Variants in SELENOI observed in about 807,000 individuals in gnomAD.
SELENOI encodes the protein selenoprotein I.
Under a neutral mutation model 50.7 loss-of-function variants are expected in SELENOI, and 24 were observed. The ratio of observed to expected loss-of-function variants is 0.47; its 90% CI spans 0.34 to 0.67. The LOEUF (loss-of-function observed/expected upper bound fraction) is 0.67, where lower values mean the gene tolerates loss of function less well. SELENOI is among the 30% of genes least tolerant of loss of function. The pLI is 0.01. For synonymous variants in SELENOI, 155 were observed against 170.2 expected (o/e 0.91, Z 0.70); for missense variants, 352 against 461.4 (o/e 0.76, Z 2.17).
chr2:26,378,226 C>T (rs1291850178), intron 6 of SELENOI, among the ~76,000 whole-genome samples: 1 of 152,156 alleles, frequency 6.6e-6, no homozygotes, highest in Admixed American at 6.5e-5. Context: ...GCTCTTCCAG[C>T]AATTGTGTTC....
intron 1 of SELENOI, chr2:26,346,617 G>T (rs1031591002): frequency 6.2e-5 from 13 of 208,100 alleles, no homozygotes; most frequent in Admixed American, 1.8e-4. Flanking sequence ...TCCTTCTGTT[G>T]TGTCAATCGC....
In SELENOI at chr2:26,393,533, A is replaced by T. The variant is rs1367231; in HGVS notation, c.*4430A>T. ...GTTGCATGTGCTTAGAAAGGCCAGG[A>T]TCCCAGAATTGGAAGGTGCCACATA... is the stretch of plus-strand genomic sequence containing the variant. On this transcript the variant is annotated 3_prime_UTR_variant, in exon 10 of 10. Transcript: ENST00000260585. The T allele has an allele frequency of 0.95, 144,942 of 152,294 alleles. 69,036 individuals are homozygous for T. Among genetic ancestry groups the T allele is most frequent in the South Asian group, 0.98 (4,730 of 4,828 alleles). 9.4% of individuals were successfully genotyped at this position (152,294 alleles called of 1,614,324 possible). A position where few individuals can be genotyped will look rare whatever the true frequency, so the allele number is the denominator to read the frequency against.
intron 1 of SELENOI, among the ~76,000 whole-genome samples, chr2:26,347,309 A>C (rs947498610): frequency 2.0e-5 from 3 of 152,074 alleles, no homozygotes; most frequent in African/African-American, 7.3e-5. Context: ...TGCCCAACTC[A>C]TTAGAGTTTT....
At chr2:26,366,316 T>C (rs1253583038) in intron 3 of SELENOI, among the ~76,000 whole-genome samples, 1 of 152,090 alleles carries the variant, frequency 6.6e-6, no homozygotes, top group African/African-American at 2.4e-5. Flanking sequence ...TTTTTAAAAA[T>C]TTATTTATTT....
Position 26,373,453 on chromosome 2 carries a change from T to C in SELENOI, c.397T>C (p.Cys133Arg), listed in dbSNP as rs1677501607. The C allele has an allele frequency of 6.2e-7, 1 of 1,613,834 alleles. No homozygotes were observed. Among genetic ancestry groups the C allele is most frequent in the Non-Finnish European group, 8.5e-7 (1 of 1,179,864 alleles). ...TGATCATGGCCTGGATAGTTGGTCA[T>C]GTGTTTACTTTGTTGTGACTGTTTA... is the stretch of plus-strand genomic sequence containing the variant. ...LFDHGLDSWS[C>R]VYFVVTVYSI... The change falls in exon 5 of 10, where the codon TGT becomes CGT. Residue 133 changes from cysteine to arginine, a missense_variant. Physicochemically the swap from Cys to Arg is radical, Grantham distance 180 (BLOSUM62 -3). Transcript: ENST00000260585.
In SELENOI at chr2:26,373,566, C is replaced by T. The variant is rs746301844; in HGVS notation, c.510C>T (p.Ser170=). 6 of 1,613,636 alleles carry T rather than the reference C, an allele frequency of 3.7e-6. No individual in the cohort carries two copies. In the Admixed American group the frequency reaches 1.0e-4, roughly 27 times the overall value. ...TAGTTTTGTTTTCTTTCATCCTGTCCCACTGGGAAAAGTATAACACAGGGA... is the reference window on the plus strand; with the variant it reads ...TAGTTTTGTTTTCTTTCATCCTGTCTCACTGGGAAAAGTATAACACAGGGA... The part of the protein sequence containing the change: ...LWVVLFSFIL[S]HWEKYNTGIL... The change falls in exon 5 of 10, where the codon TCC becomes TCT. Residue 170 remains serine (S), a synonymous_variant. Coordinates refer to ENST00000260585, the MANE Select transcript of SELENOI (RefSeq NM_033505.4).
At chr2:26,384,806 A>G (rs548877087) in intron 7 of SELENOI, among the ~76,000 whole-genome samples, 153 bp from the exon 8 acceptor site, 2 of 152,362 alleles carry the variant, frequency 1.3e-5, no homozygotes, top group South Asian at 4.1e-4. Context: ...GCCTGTCTGT[A>G]AAATGGGATT....
intron 1 of SELENOI, among the ~76,000 whole-genome samples, chr2:26,361,474 A>G (rs1426210348): frequency 1.3e-5 from 2 of 152,198 alleles, no homozygotes; most frequent in African/African-American, 4.8e-5. Flanking sequence ...CTCTCTCTCA[A>G]AACGTCTGTG....
intron 1 of SELENOI, among the ~76,000 whole-genome samples, chr2:26,357,434 G>A (rs925485293): frequency 3.3e-5 from 5 of 152,154 alleles, no homozygotes; most frequent in African/African-American, 1.2e-4. Flanking sequence ...AGCCTCCTAA[G>A]GCTGCCATAA....
At chr2:26,369,387 G>C (rs2147952474) in intron 4 of SELENOI, among the ~76,000 whole-genome samples, 1 of 152,212 alleles carries the variant, frequency 6.6e-6, no homozygotes, top group Middle Eastern at 3.4e-3. Flanking sequence ...ATTGTACTCT[G>C]CATCTTGTCT....
intron 9 of SELENOI, among the ~76,000 whole-genome samples, chr2:26,387,687 C>A (rs1238332739): frequency 1.1e-5 from 1 of 91,678 alleles, no homozygotes; most frequent in African/African-American, 4.3e-5. Context: ...CAAAGTGAGA[C>A]CCTGTCTCAA....
At chr2:26,368,226 A>G (rs1240972075) in intron 4 of SELENOI, among the ~76,000 whole-genome samples, 1 of 152,244 alleles carries the variant, frequency 6.6e-6, no homozygotes, top group African/African-American at 2.4e-5. Flanking sequence ...AGTGACGTCT[A>G]GAAGAATTAA....
chr2:26,377,521 A>C (rs1185282106), intron 6 of SELENOI, among the ~76,000 whole-genome samples: 1 of 151,922 alleles, frequency 6.6e-6, no homozygotes, highest in Non-Finnish European at 1.5e-5. Flanking sequence ...AGTCCCAGTT[A>C]CTTGGGAGGC....
chr2:26,376,717 G>T (rs1677574887), intron 6 of SELENOI, among the ~76,000 whole-genome samples: 1 of 152,224 alleles, frequency 6.6e-6, no homozygotes, highest in African/African-American at 2.4e-5. Context: ...TTTCCCAGAA[G>T]TTTGAAGGAC....
At chr2:26,387,278 T>G (rs988178716) in intron 9 of SELENOI, among the ~76,000 whole-genome samples, 1 of 152,210 alleles carries the variant, frequency 6.6e-6, no homozygotes, top group Non-Finnish European at 1.5e-5. Context: ...TCTTTTCTAA[T>G]TATTTTACAT....
chr2:26,369,181 T>G (rs747397621), intron 4 of SELENOI, among the ~76,000 whole-genome samples: 1 of 152,344 alleles, frequency 6.6e-6, no homozygotes, highest in South Asian at 2.1e-4. Flanking sequence ...GGTATTCTAC[T>G]GTGCTTTATC....
intron 1 of SELENOI, among the ~76,000 whole-genome samples, chr2:26,351,353 T>C (rs1676955631): frequency 1.3e-5 from 2 of 152,220 alleles, no homozygotes; most frequent in Admixed American, 6.5e-5. Context: ...CCACTACACC[T>C]GGCCTGTTCA....
At chr2:26,362,216 C>T (rs1476144551) in intron 1 of SELENOI, among the ~76,000 whole-genome samples, 2 of 151,820 alleles carry the variant, frequency 1.3e-5, no homozygotes, top group East Asian at 2.0e-4. Flanking sequence ...AGTACAGGCA[C>T]CTGCCACCGT....
rs139964919 is a variant in SELENOI, at chr2:26,381,313, G to A, written c.683-1986G>A. On this transcript the variant is annotated intron_variant, in intron 6 of 9. Coordinates refer to ENST00000260585, the MANE Select transcript of SELENOI (RefSeq NM_033505.4). ...CCTTCACTTGTGCAAGATGAAAAGC[G>A]GGTCTACATATATATGGTCTCTATC... Among the ~76,000 whole-genome samples, 13 of 145,470 alleles carry A rather than the reference G, an allele frequency of 8.9e-5. No homozygotes were observed. The East Asian group carries it at 1.9e-3, about 21-fold the overall frequency.
Sources: gnomAD v4.1 joint callset for allele counts (sites outside exome capture counted in the v4.1 genomes callset) on GRCh38, gnomAD v4.1.1 for gene constraint, MANE v1.5 for transcripts, NCBI Gene and HGNC (gene_info 2026-07-23, HGNC 2026-07-21) for gene names.